The following UBE2E2 variants were observed in gnomAD, a reference collection of about 807,000 sequenced individuals.
UBE2E2 encodes the protein ubiquitin-conjugating enzyme E2 E2.
In UBE2E2, 6 loss-of-function variants were observed where a neutral mutation model predicts 24.7. The observed-to-expected ratio is 0.24, with a 90% CI of 0.13 to 0.48. The LOEUF (loss-of-function observed/expected upper bound fraction) is 0.48. Ranked by LOEUF, UBE2E2 falls within the 20% of genes least tolerant of loss-of-function variation. UBE2E2 has a pLI of 0.99. For missense variants in UBE2E2, 169 were observed against 245.0 expected (o/e 0.69, Z 2.07); for synonymous variants, 104 against 83.6 (o/e 1.24, Z -1.33).
At chr3:23,488,205 T>C (rs551091491) in intron 3 of UBE2E2, among the ~76,000 whole-genome samples, 3 of 152,084 alleles carry the variant, frequency 2.0e-5, no homozygotes, top group East Asian at 3.9e-4. Context: ...CATTTCTTTT[T>C]TTTTTTTTTT....
intron 5 of UBE2E2, among the ~76,000 whole-genome samples, chr3:23,539,747 T>C (rs1174465716): frequency 6.6e-6 from 1 of 152,216 alleles, no homozygotes; most frequent in South Asian, 2.1e-4. Context: ...TGGTGTGTTC[T>C]GTAATAGCAG....
chr3:23,527,748 G>A (rs1172052120), intron 4 of UBE2E2, among the ~76,000 whole-genome samples: 1 of 152,120 alleles, frequency 6.6e-6, no homozygotes, highest in Non-Finnish European at 1.5e-5. Context: ...AAGGTTCAGA[G>A]AGGTTCTGGG....
At chr3:23,291,846 C>T (rs1217386384) in intron 3 of UBE2E2, among the ~76,000 whole-genome samples, 5 of 90,300 alleles carry the variant, frequency 5.5e-5, no homozygotes, top group Admixed American at 1.4e-4. Context: ...CCATGCCCGG[C>T]TAATTTTTTT....
At chr3:23,434,803 C>T (rs1306863255) in intron 3 of UBE2E2, among the ~76,000 whole-genome samples, 3 of 152,110 alleles carry the variant, frequency 2.0e-5, no homozygotes, top group African/African-American at 7.2e-5. Context: ...GCTTTATTAG[C>T]TCCAATTTTC....
chr3:23,294,713 AAAAT>A lies in UBE2E2; in HGVS notation c.227+77408_227+77411del, dbSNP rs1041041139. 6.0e-4 allele frequency among the ~76,000 whole-genome samples: 88 copies of A among 147,624 alleles called. 1 individual carries two copies. Among genetic ancestry groups the A allele is most frequent in the South Asian group, 1.0e-3 (5 of 4,766 alleles). On this transcript the variant is annotated intron_variant, in intron 3 of 5. Transcript: ENST00000396703. ...ATATAATATTTATATAATATATTAT[AAAAT>A]AAATAATATATTTTAAAGATTTTGT...
chr3:23,286,950 C>T (rs1446496447), intron 3 of UBE2E2, among the ~76,000 whole-genome samples: 1 of 151,912 alleles, frequency 6.6e-6, no homozygotes, highest in Non-Finnish European at 1.5e-5. Flanking sequence ...AGATTGTTTG[C>T]TGTTGGCATA....
chr3:23,440,179 C>G (rs527761741), intron 3 of UBE2E2, among the ~76,000 whole-genome samples: 1 of 152,196 alleles, frequency 6.6e-6, no homozygotes, highest in East Asian at 1.9e-4. Context: ...AGGGCTGACG[C>G]AGGAGAATCG....
chr3:23,352,488 A>G, intron 3 of UBE2E2, among the ~76,000 whole-genome samples: 1 of 152,226 alleles, frequency 6.6e-6, no homozygotes, highest in Non-Finnish European at 1.5e-5. Context: ...GACCGCTAGC[A>G]AGACTAATAA....
intron 5 of UBE2E2, among the ~76,000 whole-genome samples, chr3:23,577,471 C>T (rs1233292181): frequency 6.6e-6 from 1 of 151,946 alleles, no homozygotes; most frequent in African/African-American, 2.4e-5. Context: ...CTGTGAAGGC[C>T]GAGAGGTGAG....
chr3:23,386,444 AC>A (rs1437992115), intron 3 of UBE2E2, among the ~76,000 whole-genome samples: 1 of 152,184 alleles, frequency 6.6e-6, no homozygotes, highest in Non-Finnish European at 1.5e-5. Context: ...GGGGACACGA[AC>A]ATTCGGACCA....
At chr3:23,308,470 A>G (rs117195326) in intron 3 of UBE2E2, among the ~76,000 whole-genome samples, 1 of 152,362 alleles carries the variant, frequency 6.6e-6, no homozygotes, top group East Asian at 1.9e-4. Flanking sequence ...TATTATTTTT[A>G]CACAAATAAA....
At chr3:23,283,206 T>TA (rs1275330958) in intron 3 of UBE2E2, among the ~76,000 whole-genome samples, 4 of 151,984 alleles carry the variant, frequency 2.6e-5, no homozygotes, top group Admixed American at 1.3e-4. Context: ...AGGCAACCAG[T>TA]AAAAAACTTT....
chr3:23,536,489 G>T (rs552309636), intron 5 of UBE2E2, among the ~76,000 whole-genome samples: 3 of 151,910 alleles, frequency 2.0e-5, no homozygotes, highest in Non-Finnish European at 4.4e-5. Flanking sequence ...AGCTTGTTTT[G>T]TTCTAAACTC....
Position 23,250,706 on chromosome 3 carries a change from C to T in UBE2E2, c.227+33394C>T, listed in dbSNP as rs140728694. ...TCTTTCCTTATGATATGGCATACTT[C>T]CTTCTATCAGTCATTAAGAATTATA... is the stretch of plus-strand genomic sequence containing the variant. On this transcript the variant is annotated intron_variant, in intron 3 of 5. Coordinates refer to ENST00000396703, the MANE Select transcript of UBE2E2 (RefSeq NM_152653.4). Among the ~76,000 whole-genome samples the T allele has an allele frequency of 1.3e-3, 202 of 152,298 alleles. 1 individual carries two copies. Among genetic ancestry groups the T allele is most frequent in the African/African-American group, 4.4e-3 (184 of 41,550 alleles).
At chr3:23,516,671 T>C (rs1694748078) in intron 4 of UBE2E2, among the ~76,000 whole-genome samples, 1 of 152,178 alleles carries the variant, frequency 6.6e-6, no homozygotes, top group Non-Finnish European at 1.5e-5. Flanking sequence ...GTATCCTCTA[T>C]TCTTAACCTT....
At chr3:23,387,058 A>G (rs1696819282) in intron 3 of UBE2E2, among the ~76,000 whole-genome samples, 1 of 152,220 alleles carries the variant, frequency 6.6e-6, no homozygotes. Context: ...TTTGAGGCTA[A>G]TATCTACAAA....
intron 3 of UBE2E2, among the ~76,000 whole-genome samples, chr3:23,297,780 G>T (rs1004024982): frequency 2.0e-5 from 3 of 151,958 alleles, no homozygotes; most frequent in African/African-American, 7.3e-5. Context: ...GCTCTTTTTT[G>T]GTTCCATATG....
intron 3 of UBE2E2, among the ~76,000 whole-genome samples, chr3:23,234,870 A>G (rs780600486): frequency 6.6e-6 from 1 of 152,206 alleles, no homozygotes; most frequent in Non-Finnish European, 1.5e-5. Context: ...GATAGGTTCA[A>G]AATGGTATTG....
chr3:23,301,783 T>C (rs972181030), intron 3 of UBE2E2, among the ~76,000 whole-genome samples: 5 of 149,564 alleles, frequency 3.3e-5, no homozygotes, highest in Non-Finnish European at 4.4e-5. Flanking sequence ...AGCTGCGTGC[T>C]GGGAGAACCA....
Sources: allele counts gnomAD v4.1 joint callset (sites outside exome capture counted in the v4.1 genomes callset), GRCh38; gene constraint gnomAD v4.1.1; transcripts MANE v1.5; gene names NCBI Gene and HGNC (gene_info 2026-07-23, HGNC 2026-07-21).